Variants in THADA observed in about 807,000 individuals in gnomAD.
THADA encodes the protein THADA armadillo repeat containing.
Under a neutral mutation model 219.8 loss-of-function variants are expected in THADA, and 213 were observed. The ratio of observed to expected loss-of-function variants is 0.97; its 90% CI spans 0.87 to 1.09. The LOEUF is 1.09. Ranked by LOEUF, THADA falls within the 50% of genes least tolerant of loss-of-function variation. The pLI is 0.00. For synonymous variants in THADA, 1,018 were observed against 828.9 expected (o/e 1.23, Z -3.92); for missense variants, 2,956 against 2,311.3 (o/e 1.28, Z -5.72).
chr2:43,437,678 C>T (rs1325976508), intron 26 of THADA, among the ~76,000 whole-genome samples: 1 of 152,164 alleles, frequency 6.6e-6, no homozygotes, highest in Non-Finnish European at 1.5e-5. Flanking sequence ...CACTGTGCCA[C>T]TATTGCAAAG....
chr2:43,303,414 G>T (rs1417039581), intron 31 of THADA, among the ~76,000 whole-genome samples: 1 of 152,128 alleles, frequency 6.6e-6, no homozygotes, highest in Non-Finnish European at 1.5e-5. Flanking sequence ...CAGTAGCACA[G>T]ACCTTGAGCA....
rs375832464 is a variant in THADA at position 43,464,874 on chromosome 2, T to C, written c.3836+20360A>G. On this transcript the variant is annotated intron_variant, in intron 26 of 37. Transcript: ENST00000405975. ...ACAGACTTCTGCTTGCTTAATTCTCTAGCAAAAGATTTCTTGAGCACCCCT... is the reference window on the plus strand; with the variant it reads ...ACAGACTTCTGCTTGCTTAATTCTCCAGCAAAAGATTTCTTGAGCACCCCT... 8.5e-5 allele frequency among the ~76,000 whole-genome samples: 13 copies of C among 152,114 alleles called. No homozygotes were observed. In the East Asian group the frequency reaches 1.4e-3, roughly 16 times the overall value.
chr2:43,274,086 A>G (rs1281479022), intron 36 of THADA, among the ~76,000 whole-genome samples: 1 of 151,922 alleles, frequency 6.6e-6, no homozygotes, highest in African/African-American at 2.4e-5. Context: ...TCCAGTCTCT[A>G]TGGGTCACCA....
intron 29 of THADA, among the ~76,000 whole-genome samples, chr2:43,384,694 A>G (rs1167473412): frequency 6.6e-6 from 1 of 152,194 alleles, no homozygotes; most frequent in Non-Finnish European, 1.5e-5. Flanking sequence ...GGCTGGATGC[A>G]GTGGAACATG....
At chr2:43,553,945 TG>T (rs1278246876) in intron 17 of THADA, among the ~76,000 whole-genome samples, 3 of 152,228 alleles carry the variant, frequency 2.0e-5, no homozygotes, top group African/African-American at 7.2e-5. Context: ...TCAGATTCTT[TG>T]TCCAATTGTA....
At chr2:43,287,153 A>G (rs946729176) in intron 34 of THADA, 92 bp from the exon 35 acceptor site, 39 of 1,202,782 alleles carry the variant, frequency 3.2e-5, no homozygotes, top group Non-Finnish European at 3.9e-5. Context: ...CTGGGCCTGT[A>G]GATTAGCTCT....
chr2:43,461,330 G>A (rs1315363482), intron 26 of THADA, among the ~76,000 whole-genome samples: 1 of 152,150 alleles, frequency 6.6e-6, no homozygotes, highest in African/African-American at 2.4e-5. Flanking sequence ...CTGTGACTAA[G>A]TTTTAGATCA....
intron 26 of THADA, among the ~76,000 whole-genome samples, chr2:43,430,941 G>A (rs1679178202): frequency 6.6e-6 from 1 of 152,166 alleles, no homozygotes; most frequent in Non-Finnish European, 1.5e-5. Context: ...GTACAGTCTT[G>A]GCATGTGAAG....
At chr2:43,592,550 C>T (rs1268934214) in intron 1 of THADA, 134 bp from the exon 2 acceptor site, 2 of 509,592 alleles carry the variant, frequency 3.9e-6, no homozygotes, top group Admixed American at 7.4e-5. Context: ...TCTCTACCCA[C>T]TAGATGCCAG....
At chr2:43,498,592 TA>T (rs1412015313) in intron 25 of THADA, among the ~76,000 whole-genome samples, 1 of 151,552 alleles carries the variant, frequency 6.6e-6, no homozygotes, top group African/African-American at 2.4e-5. Context: ...ATACATACTG[TA>T]AACCCTAAAG....
At chr2:43,371,572 C>G (rs1176028255) in intron 29 of THADA, among the ~76,000 whole-genome samples, 1 of 151,744 alleles carries the variant, frequency 6.6e-6, no homozygotes, top group Non-Finnish European at 1.5e-5. Context: ...AAAATAAAGA[C>G]AAAGAAAAAA....
intron 29 of THADA, among the ~76,000 whole-genome samples, chr2:43,369,148 A>G (rs1487377424): frequency 6.6e-6 from 1 of 152,178 alleles, no homozygotes; most frequent in Non-Finnish European, 1.5e-5. Context: ...CATTGTTACT[A>G]AATTGCTCAG....
At chr2:43,314,673 C>T (rs1462261807) in intron 31 of THADA, among the ~76,000 whole-genome samples, 1 of 152,216 alleles carries the variant, frequency 6.6e-6, no homozygotes, top group Non-Finnish European at 1.5e-5. Flanking sequence ...AGACCCAGCC[C>T]TCTGAGTCCT....
At chr2:43,539,667 A>G (rs1336070594) in intron 21 of THADA, among the ~76,000 whole-genome samples, 1 of 152,232 alleles carries the variant, frequency 6.6e-6, no homozygotes, top group Non-Finnish European at 1.5e-5. Context: ...GTGAATGGCA[A>G]CATAGAAAAA....
At chr2:43,419,086 A>T (rs1039567685) in intron 28 of THADA, among the ~76,000 whole-genome samples, 4 of 152,164 alleles carry the variant, frequency 2.6e-5, no homozygotes, top group Admixed American at 2.6e-4. Flanking sequence ...TTCTCCATGG[A>T]CAGAACCCAC....
chr2:43,557,823 G>A (rs1208753918), intron 16 of THADA, among the ~76,000 whole-genome samples: 2 of 152,166 alleles, frequency 1.3e-5, no homozygotes, highest in Non-Finnish European at 2.9e-5. Context: ...TTGATTATAG[G>A]TCTACAAATA....
At chr2:43,580,647 G>A (rs1700332988) in intron 8 of THADA, among the ~76,000 whole-genome samples, 2 of 151,970 alleles carry the variant, frequency 1.3e-5, no homozygotes, top group Middle Eastern at 3.4e-3. Context: ...GGCCAAGGCG[G>A]GCAGATCACC....
At chr2:43,519,027 C>G (rs964133993) in intron 22 of THADA, among the ~76,000 whole-genome samples, 1 of 151,862 alleles carries the variant, frequency 6.6e-6, no homozygotes, top group Non-Finnish European at 1.5e-5. Context: ...ATCATGCCCT[C>G]CTGCTTGCCT....
chr2:43,557,288 C>A (rs1697490592), intron 16 of THADA, among the ~76,000 whole-genome samples: 4 of 152,128 alleles, frequency 2.6e-5, no homozygotes, highest in African/African-American at 9.7e-5. Flanking sequence ...CTTTCTTCAG[C>A]AAAAGTGTAC....
Sources: allele counts gnomAD v4.1 joint callset (sites outside exome capture counted in the v4.1 genomes callset), GRCh38; gene constraint gnomAD v4.1.1; transcripts MANE v1.5; gene names NCBI Gene and HGNC (gene_info 2026-07-23, HGNC 2026-07-21).